The following PTPRN2 variants were observed in gnomAD, a reference collection of about 807,000 sequenced individuals.
PTPRN2 encodes receptor-type tyrosine-protein phosphatase N2.
A neutral mutation model predicts 118.8 loss-of-function variants in PTPRN2; 74 were observed. The ratio of observed to expected loss-of-function variants is 0.62; its 90% CI spans 0.52 to 0.76. The LOEUF (loss-of-function observed/expected upper bound fraction) is 0.76. Among genes scored for constraint, PTPRN2 ranks in the 30% least tolerant of loss-of-function variants. The pLI is 0.00. For missense variants in PTPRN2, 1,481 were observed against 1,394.4 expected, an observed-to-expected ratio of 1.06 and a Z score of -0.99; for synonymous variants, 641 against 608.0, an observed-to-expected ratio of 1.05 and a Z score of -0.80.
At chr7:158,460,964 G>A (rs190923334) in intron 2 of PTPRN2, among the ~76,000 whole-genome samples, 3 of 152,278 alleles carry the variant, frequency 2.0e-5, no homozygotes, top group African/African-American at 7.2e-5. Context: ...ACATAAAGTT[G>A]GTTAGGAAAA....
rs1051570769 is a variant in PTPRN2, at chr7:158,555,658, C to T, written c.112+31900G>A. On this transcript the variant is annotated intron_variant, in intron 1 of 22. Transcript: ENST00000389418. This position sits in a 1 kb window ranked among gnomAD's most constrained non-coding sequence, Gnocchi z 4.7. ...CAGGGTTAGGGGCACAAGCACCGCC[C>T]GTCAACCCTTCACAGAAGCTGGCAA... is the stretch of plus-strand genomic sequence containing the variant. Among the ~76,000 whole-genome samples the T allele has an allele frequency of 1.3e-5, 2 of 152,194 alleles. No individual in the cohort carries two copies. Among genetic ancestry groups the T allele is most frequent in the African/African-American group, 2.4e-5 (1 of 41,442 alleles).
Position 157,590,449 on chromosome 7 carries a change from G to A in PTPRN2, c.2496+4789C>T, listed in dbSNP as rs554423489. 1.3e-5 allele frequency among the ~76,000 whole-genome samples: 2 copies of A among 152,332 alleles called. No individual in the cohort carries two copies. Among genetic ancestry groups the A allele is most frequent in the South Asian group, 4.1e-4 (2 of 4,830 alleles). On this transcript the variant is annotated intron_variant, in intron 17 of 22. Transcript: ENST00000389418. This position sits in a 1 kb window ranked among gnomAD's most constrained non-coding sequence, Gnocchi z 4.0. ...TGGGGTACATCTTCCTTTAGGTAAT[G>A]AATTTATTTTTAGGAATTTCTTGAT...
rs893561481 is a variant in PTPRN2, at chr7:158,205,164, C to A, written c.380+7G>T. ...AGCAAGGAGCAACAAGCCACGTCCACACTTACCTGGCTGGGCTGGATGCTT... is the reference window on the plus strand; with the variant it reads ...AGCAAGGAGCAACAAGCCACGTCCAAACTTACCTGGCTGGGCTGGATGCTT... On this transcript the variant is annotated splice_region_variant and intron_variant, in intron 4 of 22. Transcript: ENST00000389418. The A allele has an allele frequency of 6.2e-7, 1 of 1,609,200 alleles. No homozygotes were observed. The highest frequency in any genetic ancestry group is 1.7e-5 in the Admixed American group (1 of 60,018).
chr7:157,654,720 T>G (rs747275370), intron 14 of PTPRN2, among the ~76,000 whole-genome samples: 3 of 152,190 alleles, frequency 2.0e-5, no homozygotes, highest in Non-Finnish European at 4.4e-5. Context: ...ATTACATATG[T>G]GAATGCCAAA....
intron 3 of PTPRN2, among the ~76,000 whole-genome samples, chr7:158,261,250 C>T (rs902549501): frequency 2.0e-5 from 3 of 152,032 alleles, no homozygotes; most frequent in African/African-American, 7.2e-5. Flanking sequence ...ACAAGCAGGC[C>T]GGGCAGCGGG....
chr7:158,284,967 C>A (rs567389633), intron 3 of PTPRN2, among the ~76,000 whole-genome samples: 64 of 152,352 alleles, frequency 4.2e-4, no homozygotes, highest in Middle Eastern at 3.4e-3. Flanking sequence ...CCCGGCTGTG[C>A]CCATATGCTG....
At chr7:157,802,446 T>C (rs1805372978) in intron 12 of PTPRN2, among the ~76,000 whole-genome samples, 1 of 152,210 alleles carries the variant, frequency 6.6e-6, no homozygotes, top group Admixed American at 6.5e-5. Flanking sequence ...GAGCACCCAC[T>C]GGGTCTATGC....
At chr7:158,306,547 A>G (rs1801299705) in intron 3 of PTPRN2, among the ~76,000 whole-genome samples, 1 of 152,046 alleles carries the variant, frequency 6.6e-6, no homozygotes, top group African/African-American at 2.4e-5. Flanking sequence ...CCACTAACCA[A>G]ACTGAGCAGA....
In PTPRN2 at chr7:157,545,221, C is replaced by T. The variant is rs147511102; in HGVS notation, c.2976+3725G>A. On this transcript the variant is annotated intron_variant, in intron 22 of 22. Coordinates refer to ENST00000389418, the MANE Select transcript of PTPRN2 (RefSeq NM_002847.5). ...GGTGTGTGTGCAATGTGTGGGTGTG[C>T]GCAGTGTCCGTGGCTGTGTGTAGGT... is the stretch of plus-strand genomic sequence containing the variant. 3.5e-3 allele frequency among the ~76,000 whole-genome samples: 467 copies of T among 134,908 alleles called. 3 individuals carry two copies. The highest frequency in any genetic ancestry group is 6.1e-3 in the Non-Finnish European group (391 of 64,074). 88.5% of individuals were successfully genotyped at this position (134,908 alleles called of 152,430 possible).
At chr7:157,762,842 AG>A (rs1301803106) in intron 12 of PTPRN2, among the ~76,000 whole-genome samples, 1 of 152,186 alleles carries the variant, frequency 6.6e-6, no homozygotes, top group Non-Finnish European at 1.5e-5. Flanking sequence ...GAGGGGTATC[AG>A]GGCCCCCCTT....
At chr7:158,518,988 T>TAAAC (rs1264370543) in intron 1 of PTPRN2, among the ~76,000 whole-genome samples, 5 of 151,988 alleles carry the variant, frequency 3.3e-5, no homozygotes, top group African/African-American at 1.2e-4. Context: ...ACTCTGTCTC[T>TAAAC]AAACAAACAA....
chr7:157,573,982 T>TTATTACAC (rs1799887618), intron 19 of PTPRN2, among the ~76,000 whole-genome samples: 1 of 152,170 alleles, frequency 6.6e-6, no homozygotes, highest in African/African-American at 2.4e-5. Context: ...TGCAGTTGTA[T>TTATTACAC]TATTACACGC....
intron 16 of PTPRN2, among the ~76,000 whole-genome samples, chr7:157,597,683 A>G (rs1801425069): frequency 6.6e-6 from 1 of 152,206 alleles, no homozygotes; most frequent in South Asian, 2.1e-4. Context: ...CCACACACCC[A>G]TCACCTGCTC....
rs1289389431 is a variant in PTPRN2 at position 157,609,286 on chromosome 7, G to A, written c.2345-5211C>T. ...TAATCCCAGCTACTTGGGAGGCTGA[G>A]GCAGGAGAATTGCTTGAACCCGGGA... On this transcript the variant is annotated intron_variant, in intron 15 of 22. Transcript: ENST00000389418. This position sits in a 1 kb window ranked among gnomAD's most constrained non-coding sequence, Gnocchi z 4.9. 6.6e-6 allele frequency among the ~76,000 whole-genome samples: 1 copy of A among 152,176 alleles called. No homozygotes were observed. Among genetic ancestry groups the A allele is most frequent in the Non-Finnish European group, 1.5e-5 (1 of 68,042 alleles).
At chr7:157,652,554 T>A (rs1383805045) in intron 14 of PTPRN2, among the ~76,000 whole-genome samples, 1 of 152,200 alleles carries the variant, frequency 6.6e-6, no homozygotes, top group African/African-American at 2.4e-5. Context: ...CCCAATGACC[T>A]GCCCACCCCT....
At chr7:158,085,186 G>T (rs537812094) in intron 10 of PTPRN2, among the ~76,000 whole-genome samples, 3 of 106,032 alleles carry the variant, frequency 2.8e-5, no homozygotes, top group African/African-American at 1.2e-4. Context: ...CCACACCCAC[G>T]ACGCCCATCC....
At chr7:157,569,623 T>C (rs754543562) in intron 20 of PTPRN2, among the ~76,000 whole-genome samples, 7 of 152,244 alleles carry the variant, frequency 4.6e-5, no homozygotes, top group Non-Finnish European at 1.0e-4. Flanking sequence ...TTTTGAATAA[T>C]ACTTCAACAG....
intron 2 of PTPRN2, among the ~76,000 whole-genome samples, chr7:158,485,238 G>A (rs968419978): frequency 7.9e-5 from 12 of 152,102 alleles, no homozygotes; most frequent in African/African-American, 2.9e-4. Flanking sequence ...CAAACGGAGA[G>A]CGCGACTTGC....
In PTPRN2 at chr7:158,134,044, C is replaced by T. The variant is rs1818606466; in HGVS notation, c.1189G>A (p.Ala397Thr). 6.2e-7 allele frequency: 1 copy of T among 1,613,220 alleles called. No individual in the cohort carries two copies. The highest frequency in any genetic ancestry group is 8.5e-7 in the Non-Finnish European group (1 of 1,179,690). Residue 397 changes from alanine to threonine, a missense_variant, in exon 9 of 23, where the codon GCC (alanine) becomes ACC (threonine). Transcript: ENST00000389418. ...TCCTGCAGGAGGCCCCCGAGTGTGG[C>T]ACTCAGACGATGGACCTGACAGAGA... The part of the protein sequence containing the change: ...RLYQEVHRLS[A>T]TLGGLLQDHG...
Sources: allele counts gnomAD v4.1 joint callset (sites outside exome capture counted in the v4.1 genomes callset), GRCh38; gene constraint gnomAD v4.1.1; non-coding constraint Gnocchi (gnomAD v3.1); transcripts MANE v1.5; gene names NCBI Gene and HGNC (gene_info 2026-07-23, HGNC 2026-07-21).